Variants in DYRK1A observed in about 807,000 individuals in gnomAD.
The protein encoded by DYRK1A is dual specificity tyrosine phosphorylation regulated kinase 1A.
Under a neutral mutation model 79.7 loss-of-function variants are expected in DYRK1A, and 9 were observed. The observed-to-expected ratio is 0.11, with a 90% CI of 0.07 to 0.20. The LOEUF is 0.20. Ranked by LOEUF, DYRK1A falls within the 10% of genes least tolerant of loss-of-function variation. DYRK1A has a pLI of 1.00. For missense variants in DYRK1A, 622 were observed against 956.0 expected (o/e 0.65, Z 4.61); for synonymous variants, 349 against 329.7 (o/e 1.06, Z -0.63).
chr21:37,504,004 G>A (rs1043179884), intron 9 of DYRK1A: 1 of 152,196 alleles, frequency 6.6e-6, no homozygotes, highest in Non-Finnish European at 1.5e-5. Flanking sequence ...AGTTAAAGAT[G>A]GAAGTGAGTC....
At chr21:37,446,694 A>C (rs1216422932) in intron 2 of DYRK1A, among the ~76,000 whole-genome samples, 1 of 152,102 alleles carries the variant, frequency 6.6e-6, no homozygotes, top group Non-Finnish European at 1.5e-5. Flanking sequence ...CCAACTTTAC[A>C]GTAATGGCAG....
chr21:37,478,900 C>A (rs2052497677), intron 4 of DYRK1A, among the ~76,000 whole-genome samples: 1 of 152,160 alleles, frequency 6.6e-6, no homozygotes, highest in Non-Finnish European at 1.5e-5. Context: ...ACTTTGAATT[C>A]CTTGCCTGTA....
intron 7 of DYRK1A, among the ~76,000 whole-genome samples, chr21:37,492,427 G>A (rs2053126873): frequency 6.6e-6 from 1 of 152,190 alleles, no homozygotes. Flanking sequence ...TCTATAAGAA[G>A]TCTTGGATGG....
intron 7 of DYRK1A, among the ~76,000 whole-genome samples, chr21:37,491,660 T>G (rs1387674798): frequency 6.6e-6 from 1 of 152,178 alleles, no homozygotes; most frequent in African/African-American, 2.4e-5. Flanking sequence ...AGTTTGCAGT[T>G]TTAGATGCCT....
intron 1 of DYRK1A, among the ~76,000 whole-genome samples, chr21:37,373,015 C>T (rs2049463455): frequency 6.6e-6 from 1 of 152,116 alleles, no homozygotes; most frequent in African/African-American, 2.4e-5. Flanking sequence ...TCCATTTGGA[C>T]AGGAAGAAGT....
chr21:37,368,917 C>T (rs955477203), intron 1 of DYRK1A, among the ~76,000 whole-genome samples: 4 of 152,098 alleles, frequency 2.6e-5, no homozygotes, highest in Non-Finnish European at 4.4e-5. Flanking sequence ...TTGCCGAGGC[C>T]AAAAGGTAAG....
intron 2 of DYRK1A, chr21:37,428,889 C>G (rs1466669074): frequency 1.3e-5 from 2 of 152,038 alleles, no homozygotes; most frequent in Admixed American, 6.5e-5. Context: ...CCTTGGGCTC[C>G]CAAAGTGCTG....
chr21:37,433,042 T>TAA (rs5843828), intron 2 of DYRK1A, among the ~76,000 whole-genome samples: 63,887 of 138,858 alleles, frequency 0.46, 14,778 homozygotes, highest in East Asian at 0.79. Flanking sequence ...CTAGGAATTC[T>TAA]AAATATATAT....
rs528322264 is a variant in DYRK1A at position 37,522,547 on chromosome 21, T to C, written c.*10016T>C. The C allele has an allele frequency of 1.3e-5, 2 of 152,256 alleles. No individual in the cohort carries two copies. The highest frequency in any genetic ancestry group is 1.9e-4 in the East Asian group (1 of 5,182). 9.4% of individuals were successfully genotyped at this position (152,256 alleles called of 1,614,324 possible). On this transcript the variant is annotated 3_prime_UTR_variant, in exon 12 of 12. Coordinates refer to ENST00000647188, the MANE Select transcript of DYRK1A (RefSeq NM_001347721.2). ...GGTTAGGGGCGAGACTAATTTAATA[T>C]CAATTAATGTAGACACTAGGCTTAG... is the stretch of plus-strand genomic sequence containing the variant.
At chr21:37,437,054 G>C (rs774817905) in intron 2 of DYRK1A, among the ~76,000 whole-genome samples, 9 of 152,158 alleles carry the variant, frequency 5.9e-5, no homozygotes, top group Non-Finnish European at 1.2e-4. Context: ...AGGCTACAGG[G>C]TGTGGAAGAT....
chr21:37,446,951 C>T (rs770539369), intron 2 of DYRK1A, among the ~76,000 whole-genome samples: 1 of 152,156 alleles, frequency 6.6e-6, no homozygotes, highest in Non-Finnish European at 1.5e-5. Flanking sequence ...CCCCACTCTC[C>T]TGATTGTTAC....
intron 1 of DYRK1A, among the ~76,000 whole-genome samples, chr21:37,376,428 G>A (rs531111373): frequency 1.3e-5 from 2 of 152,270 alleles, no homozygotes; most frequent in African/African-American, 4.8e-5. Flanking sequence ...ATAATTGTTG[G>A]AACCCTGGAA....
chr21:37,380,305 T>A (rs1419955512), intron 1 of DYRK1A, among the ~76,000 whole-genome samples: 1 of 152,232 alleles, frequency 6.6e-6, no homozygotes, highest in East Asian at 1.9e-4. Flanking sequence ...TGAGAGACAT[T>A]GCTTCTGTGA....
At chr21:37,445,576 T>G (rs561419335) in intron 2 of DYRK1A, among the ~76,000 whole-genome samples, 1 of 152,284 alleles carries the variant, frequency 6.6e-6, no homozygotes, top group South Asian at 2.1e-4. Flanking sequence ...GGATAGTCTT[T>G]CCATGGGAGT....
chr21:37,426,920 A>C (rs369205182), intron 2 of DYRK1A, among the ~76,000 whole-genome samples: 18,285 of 112,854 alleles, frequency 0.16, 1,721 homozygotes, highest in African/African-American at 0.21. Flanking sequence ...ACTCGGTTCT[A>C]AAAAAAAAAA....
At position 37,420,389 on chromosome 21, in the gene DYRK1A, C is replaced by T. The variant is rs1370342352; in HGVS notation, c.10+5C>T. 8 of 1,611,558 alleles carry T rather than the reference C, an allele frequency of 5.0e-6. No homozygotes were observed. Among genetic ancestry groups the T allele is most frequent in the Non-Finnish European group, 6.8e-6 (8 of 1,178,552 alleles). On this transcript the variant is annotated splice_donor_5th_base_variant and intron_variant, in intron 2 of 11. Coordinates refer to ENST00000647188, the MANE Select transcript of DYRK1A (RefSeq NM_001347721.2). ...GAAAGAAGACGATGCATACAGGTGACTCAAGTTTTGAAATACAGTAAAACT... is the reference window on the plus strand; with the variant it reads ...GAAAGAAGACGATGCATACAGGTGATTCAAGTTTTGAAATACAGTAAAACT...
chr21:37,453,326 CT>C (rs1569335936), intron 2 of DYRK1A, among the ~76,000 whole-genome samples: 2 of 152,160 alleles, frequency 1.3e-5, no homozygotes, highest in African/African-American at 4.8e-5. Flanking sequence ...CCACATATGA[CT>C]ATTGTTGACT....
At chr21:37,372,746 TCTC>T (rs982371606) in intron 1 of DYRK1A, among the ~76,000 whole-genome samples, 4 of 152,176 alleles carry the variant, frequency 2.6e-5, no homozygotes, top group Non-Finnish European at 5.9e-5. Context: ...TGGATTTCTT[TCTC>T]CTCCTTTTTT....
rs1352322837 is a variant in DYRK1A, at chr21:37,372,675, G to C, written c.-77+5047G>C. Reference sequence around the variant, plus strand: ...TCAGTTCCCTCATCTGTAAAATGAGGTTGATAGTAATTAGCATAGGAATCT... The same window carrying C: ...TCAGTTCCCTCATCTGTAAAATGAGCTTGATAGTAATTAGCATAGGAATCT... On this transcript the variant is annotated intron_variant, in intron 1 of 11. Coordinates refer to ENST00000647188, the MANE Select transcript of DYRK1A (RefSeq NM_001347721.2). Among the ~76,000 whole-genome samples, 4 of 152,238 alleles carry C rather than the reference G, an allele frequency of 2.6e-5. No individual in the cohort carries two copies. In the South Asian group the frequency reaches 8.3e-4, roughly 32 times the overall value.
Sources: gnomAD v4.1 joint callset for allele counts (sites outside exome capture counted in the v4.1 genomes callset) on GRCh38, gnomAD v4.1.1 for gene constraint, MANE v1.5 for transcripts, NCBI Gene and HGNC (gene_info 2026-07-23, HGNC 2026-07-21) for gene names.